Variants in ZNF175 observed in about 807,000 individuals in gnomAD.
The protein encoded by ZNF175 is zinc finger protein 175, also known as zinc finger protein OTK18.
A neutral mutation model predicts 14.0 loss-of-function variants in ZNF175; 8 were observed. The observed-to-expected ratio is 0.57, with a 90% CI of 0.34 to 1.03. The LOEUF is 1.03. Ranked by LOEUF, ZNF175 falls within the 50% of genes least tolerant of loss-of-function variation. The pLI, the probability that ZNF175 is intolerant of heterozygous loss-of-function variation, is 0.03. For missense variants in ZNF175, 764 were observed against 849.5 expected, an observed-to-expected ratio of 0.90 and a Z score of 1.25; for synonymous variants, 255 against 296.8, an observed-to-expected ratio of 0.86 and a Z score of 1.45.
At position 51,590,019 on chromosome 19, in the gene ZNF175, G is replaced by A; in HGVS notation, c.*1552G>A. 1 of 166,962 alleles carries A rather than the reference G, an allele frequency of 6.0e-6. No homozygotes were observed. The highest frequency in any genetic ancestry group is 1.3e-5 in the Non-Finnish European group (1 of 77,092). The allele number at this position is 166,962 out of a possible 1,614,324, so 10.3% of individuals were successfully genotyped here. ...TTCATTCTACAATCCATGATGGATTGTACACACGTGTATTCTATGAGGTTG... is the reference window on the plus strand; with the variant it reads ...TTCATTCTACAATCCATGATGGATTATACACACGTGTATTCTATGAGGTTG... On this transcript the variant is annotated 3_prime_UTR_variant, in exon 5 of 5. Transcript: ENST00000262259.
chr19:51,573,409 G>C lies in ZNF175; in HGVS notation c.72+8G>C. ...CAGGATGGATCTTGCGAGGTAAACA[G>C]GGGCAGCCCTGGGGATAGTTCTCCA... On this transcript the variant is annotated splice_region_variant and intron_variant, in intron 2 of 4. Coordinates refer to ENST00000262259, the MANE Select transcript of ZNF175 (RefSeq NM_007147.4). 3.7e-6 allele frequency: 6 copies of C among 1,612,410 alleles called. No homozygotes were observed. The highest frequency in any genetic ancestry group is 5.1e-6 in the Non-Finnish European group (6 of 1,179,414).
At chr19:51,576,252 C>A (rs1366915079) in intron 2 of ZNF175, among the ~76,000 whole-genome samples, 4 of 151,110 alleles carry the variant, frequency 2.6e-5, no homozygotes, top group Non-Finnish European at 4.4e-5. Flanking sequence ...TGGGTTCAAG[C>A]CATTCTCCTG....
In ZNF175 at chr19:51,589,470, G is replaced by A; in HGVS notation, c.*1003G>A. 2.9e-6 allele frequency: 2 copies of A among 686,196 alleles called. No individual in the cohort carries two copies. Among genetic ancestry groups the A allele is most frequent in the Non-Finnish European group, 5.3e-6 (2 of 377,804 alleles). 42.5% of individuals were successfully genotyped at this position (686,196 alleles called of 1,614,324 possible). A position where few individuals can be genotyped will look rare whatever the true frequency, so the allele number is the denominator to read the frequency against. On this transcript the variant is annotated 3_prime_UTR_variant, in exon 5 of 5. Coordinates refer to ENST00000262259, the MANE Select transcript of ZNF175 (RefSeq NM_007147.4). ...TCCTTTATTATACATACACATGAAT[G>A]TGCATTTTTGGTAAATGCATAAATG...
rs367751641 is a variant in ZNF175 at position 51,581,901 on chromosome 19, G to A, written c.295+19G>A. ...TGTCAAGGTGAGTAAGTTGTACCCG[G>A]GCAAATGTAGATATCTTTGCAGGGA... On this transcript the variant is annotated intron_variant, in intron 4 of 4. Transcript: ENST00000262259. 2 of 1,604,766 alleles carry A rather than the reference G, an allele frequency of 1.2e-6. No individual in the cohort carries two copies. The highest frequency in any genetic ancestry group is 1.7e-6 in the Non-Finnish European group (2 of 1,172,850).
rs1982206497 is a variant in ZNF175, at chr19:51,587,464, T to C, written c.1133T>C (p.Leu378Pro). The C allele has an allele frequency of 6.2e-7, 1 of 1,614,208 alleles. No individual in the cohort carries two copies. ...CGKAFFQMLSLFRHQRTHSRE... is the reference protein window; with the variant it reads ...CGKAFFQMLSPFRHQRTHSRE... ...AAAGCCTTTTTCCAGATGTTATCTC[T>C]CTTCAGACATCAGAGAACTCACAGT... The change falls in exon 5 of 5, where the codon CTC (leucine) becomes CCC (proline). Residue 378 changes from leucine to proline, a missense_variant. Coordinates refer to ENST00000262259, the MANE Select transcript of ZNF175 (RefSeq NM_007147.4).
rs1568576495 is a variant in ZNF175, at chr19:51,586,634, G to A, written c.303G>A (p.Glu101=). The change falls in exon 5 of 5, where the codon GAG becomes GAA. Residue 101 remains glutamate (E), a synonymous_variant. Transcript: ENST00000262259. ...EVSHQRCQER[E]FGLEIPQKEI... Reference sequence around the variant, plus strand: ...TTCTCTTTCTCCTTTTAGAAAGGGAGTTTGGGCTTGAAATCCCACAAAAGG... The same window carrying A: ...TTCTCTTTCTCCTTTTAGAAAGGGAATTTGGGCTTGAAATCCCACAAAAGG... 6.3e-7 allele frequency: 1 copy of A among 1,589,020 alleles called. No homozygotes were observed. The highest frequency in any genetic ancestry group is 1.2e-5 in the South Asian group (1 of 86,864).
At chr19:51,582,851 A>G (rs1030796136) in intron 4 of ZNF175, among the ~76,000 whole-genome samples, 15 of 150,858 alleles carry the variant, frequency 9.9e-5, no homozygotes, top group African/African-American at 3.4e-4. Context: ...GTTCTTCCAT[A>G]TGGGCATCTT....
At position 51,589,039 on chromosome 19, in the gene ZNF175, T is replaced by C. The variant is rs953460900; in HGVS notation, c.*572T>C. ...TTTCAGATACTTACAGATTTTGGAA[T>C]ATTTGCATTATATTTATTGGTTGAG... On this transcript the variant is annotated 3_prime_UTR_variant, in exon 5 of 5. Coordinates refer to ENST00000262259, the MANE Select transcript of ZNF175 (RefSeq NM_007147.4). 3.9e-6 allele frequency: 1 copy of C among 254,524 alleles called. No individual in the cohort carries two copies. The highest frequency in any genetic ancestry group is 5.3e-5 in the Admixed American group (1 of 18,694). 15.8% of individuals were successfully genotyped at this position (254,524 alleles called of 1,614,324 possible).
At chr19:51,577,722 G>GGT (rs1981841300) in intron 2 of ZNF175, among the ~76,000 whole-genome samples, 1 of 140,882 alleles carries the variant, frequency 7.1e-6, no homozygotes, top group Non-Finnish European at 1.5e-5. Context: ...GGAGTGCAGT[G>GGT]GCACGATCTT....
chr19:51,579,336 G>A (rs748187846), intron 2 of ZNF175, among the ~76,000 whole-genome samples: 3 of 151,538 alleles, frequency 2.0e-5, no homozygotes, highest in Non-Finnish European at 4.4e-5. Flanking sequence ...CAGGAGGATC[G>A]CTTGAGTCTG....
rs1982258503 is a variant in ZNF175, at chr19:51,588,623, A to T, written c.*156A>T. 1.3e-6 allele frequency: 1 copy of T among 796,466 alleles called. No individual in the cohort carries two copies. Among genetic ancestry groups the T allele is most frequent in the South Asian group, 2.7e-5 (1 of 37,310 alleles). The allele number at this position is 796,466 out of a possible 1,614,324, so 49.3% of individuals were successfully genotyped here. ...TGCATGTGTGAACACATGATAAAAA[A>T]GTCATGCTTTATTTTAGTGAGGGCA... On this transcript the variant is annotated 3_prime_UTR_variant, in exon 5 of 5. Transcript: ENST00000262259.
At chr19:51,582,552 C>T (rs1011581373) in intron 4 of ZNF175, among the ~76,000 whole-genome samples, 4 of 152,214 alleles carry the variant, frequency 2.6e-5, no homozygotes, top group Non-Finnish European at 4.4e-5. Flanking sequence ...CCACCTCGGC[C>T]TCCCAAAGTG....
intron 2 of ZNF175, chr19:51,573,757 CA>C: frequency 2.6e-6 from 1 of 378,388 alleles, no homozygotes; most frequent in Non-Finnish European, 4.6e-6. Flanking sequence ...TCCCCCCCAC[CA>C]AATTCCTTGC....
intron 2 of ZNF175, among the ~76,000 whole-genome samples, chr19:51,578,979 T>A (rs1981902249): frequency 1.3e-5 from 2 of 151,838 alleles, no homozygotes; most frequent in Admixed American, 6.6e-5. Flanking sequence ...TAAGGCTGAG[T>A]GTGGTGACTC....
chr19:51,589,627 C>T lies in ZNF175; in HGVS notation c.*1160C>T, dbSNP rs896288179. 28 of 696,892 alleles carry T rather than the reference C, an allele frequency of 4.0e-5. No individual in the cohort carries two copies. The highest frequency in any genetic ancestry group is 2.3e-4 in the Middle Eastern group (1 of 4,358). The allele number at this position is 696,892 out of a possible 1,614,324, so 43.2% of individuals were successfully genotyped here. On this transcript the variant is annotated 3_prime_UTR_variant, in exon 5 of 5. Transcript: ENST00000262259. ...CATAATTAGTGCCAACCATTAGTCT[C>T]GTTCATATTTTTACACCAGGAGTCA...
At chr19:51,586,265 T>C (rs1982159311) in intron 4 of ZNF175, among the ~76,000 whole-genome samples, 1 of 152,216 alleles carries the variant, frequency 6.6e-6, no homozygotes, top group Admixed American at 6.5e-5. Context: ...ATAAGTGTCC[T>C]CAGGTTGTTG....
rs780060752 is a variant in ZNF175, at chr19:51,587,049, G to T, written c.718G>T (p.Ala240Ser). 3.7e-6 allele frequency: 6 copies of T among 1,614,064 alleles called. No individual in the cohort carries two copies. The highest frequency in any genetic ancestry group is 4.5e-5 in the East Asian group (2 of 44,898). ...GCTATTCAGCCATAGCTCTTCTGAT[G>T]CCTGCAGCAAGAATATTCATACAGG... ...GQLFSHSSSD[A>S]CSKNIHTGET... Residue 240 changes from alanine (A) to serine (S), a missense_variant, in exon 5 of 5, where the codon GCC becomes TCC. By Grantham distance (99) the Ala-to-Ser change is moderately conservative (BLOSUM62 1). Transcript: ENST00000262259.
chr19:51,582,222 AAC>A (rs1982029411), intron 4 of ZNF175, among the ~76,000 whole-genome samples: 1 of 152,206 alleles, frequency 6.6e-6, no homozygotes, highest in Admixed American at 6.5e-5. Flanking sequence ...CTTGCTTGCT[AAC>A]ACTTGGCATT....
At position 51,591,913 on chromosome 19, in the gene ZNF175, C is replaced by A. The variant is rs7259031; in HGVS notation, c.*3446C>A. 1 of 150,892 alleles carries A rather than the reference C, an allele frequency of 6.6e-6. No homozygotes were observed. The highest frequency in any genetic ancestry group is 2.1e-4 in the South Asian group (1 of 4,760). 9.3% of individuals were successfully genotyped at this position (150,892 alleles called of 1,614,324 possible). ...CCTCCCGAGTAGCTGGGACTACAGG[C>A]GCCCACCACCATGCCTGGCTAATTT... On this transcript the variant is annotated 3_prime_UTR_variant, in exon 5 of 5. Transcript: ENST00000262259.
Sources: allele counts gnomAD v4.1 joint callset (sites outside exome capture counted in the v4.1 genomes callset), GRCh38; gene constraint gnomAD v4.1.1; transcripts MANE v1.5; gene names NCBI Gene and HGNC (gene_info 2026-07-23, HGNC 2026-07-21).